Variants in EYS observed in about 807,000 individuals in gnomAD.
The protein encoded by EYS is EGF-like photoreceptor maintenance factor.
EYS carries 250 observed loss-of-function variants against 282.1 expected under a neutral mutation model. The ratio of observed to expected loss-of-function variants is 0.89; its 90% CI spans 0.80 to 0.98. The LOEUF (loss-of-function observed/expected upper bound fraction) is 0.98, where lower values mean the gene tolerates loss of function less well. Among genes scored for constraint, EYS ranks in the 50% least tolerant of loss-of-function variants. The pLI, the probability that EYS is intolerant of heterozygous loss-of-function variation, is 0.00. For missense variants in EYS, 4,016 were observed against 3,709.0 expected, an observed-to-expected ratio of 1.08 and a Z score of -2.15; for synonymous variants, 1,355 against 1,282.9, an observed-to-expected ratio of 1.06 and a Z score of -1.20.
At chr6:64,145,239 C>A (rs1188672502) in intron 31 of EYS, among the ~76,000 whole-genome samples, 1 of 152,168 alleles carries the variant, frequency 6.6e-6, no homozygotes, top group Non-Finnish European at 1.5e-5. Flanking sequence ...GCTGTATCAT[C>A]AGTCTTAAAC....
chr6:64,491,872 T>C (rs1776751762), intron 26 of EYS, among the ~76,000 whole-genome samples: 1 of 151,206 alleles, frequency 6.6e-6, no homozygotes, highest in Non-Finnish European at 1.5e-5. Context: ...TAAACATTAA[T>C]AATCATTAAG....
At chr6:65,438,309 A>G (rs1438569634) in intron 5 of EYS, among the ~76,000 whole-genome samples, 1 of 152,086 alleles carries the variant, frequency 6.6e-6, no homozygotes, top group Non-Finnish European at 1.5e-5. Context: ...TAGTGCTGCA[A>G]TAAACATACG....
chr6:63,838,437 T>G (rs1771865342), intron 36 of EYS, among the ~76,000 whole-genome samples: 1 of 152,196 alleles, frequency 6.6e-6, no homozygotes, highest in Non-Finnish European at 1.5e-5. Flanking sequence ...TCCCCTTTGA[T>G]CTGGGCTTCC....
intron 22 of EYS, among the ~76,000 whole-genome samples, chr6:64,686,238 T>C (rs1362870286): frequency 6.6e-6 from 1 of 151,774 alleles, no homozygotes; most frequent in Non-Finnish European, 1.5e-5. Context: ...AATAAAAAGA[T>C]AAATTTCAAT....
At chr6:65,691,816 CA>C (rs1316313468) in intron 1 of EYS, among the ~76,000 whole-genome samples, 2 of 150,246 alleles carry the variant, frequency 1.3e-5, no homozygotes, top group Non-Finnish European at 3.0e-5. Flanking sequence ...CCAATTTTCC[CA>C]ACACCATTTA....
intron 22 of EYS, among the ~76,000 whole-genome samples, chr6:64,688,890 A>G (rs1174412519): frequency 2.6e-5 from 4 of 152,020 alleles, no homozygotes; most frequent in African/African-American, 9.7e-5. Flanking sequence ...AACTGGAAGC[A>G]TTCCCTTTGA....
intron 8 of EYS, among the ~76,000 whole-genome samples, chr6:65,375,954 C>A (rs1482830267): frequency 6.6e-6 from 1 of 152,012 alleles, no homozygotes; most frequent in Admixed American, 6.6e-5. Flanking sequence ...GAAAACACTT[C>A]AGGATATTAT....
intron 12 of EYS, among the ~76,000 whole-genome samples, chr6:65,227,337 A>G (rs1017022701): frequency 1.3e-5 from 2 of 152,250 alleles, no homozygotes; most frequent in Admixed American, 6.5e-5. Flanking sequence ...TTAATTGGGT[A>G]TGAGTTTTCT....
intron 5 of EYS, among the ~76,000 whole-genome samples, chr6:65,415,389 AAT>A (rs1443398492): frequency 4.6e-5 from 7 of 152,184 alleles, no homozygotes; most frequent in African/African-American, 1.7e-4. Context: ...CATTGATCCA[AAT>A]ATCTCTTCTG....
intron 30 of EYS, among the ~76,000 whole-genome samples, chr6:64,287,420 A>T (rs1257589919): frequency 5.3e-5 from 8 of 152,174 alleles, no homozygotes; most frequent in African/African-American, 1.9e-4. Flanking sequence ...ATGAGTACAA[A>T]ATATACATAT....
At position 64,187,452 on chromosome 6, in the gene EYS, G is replaced by A. The variant is rs115109342; in HGVS notation, c.6424+43140C>T. Among the ~76,000 whole-genome samples, 844 of 151,746 alleles carry A rather than the reference G, an allele frequency of 5.6e-3. 6 individuals carry two copies. The highest frequency in any genetic ancestry group is 0.022 in the South Asian group (106 of 4,814). On this transcript the variant is annotated intron_variant, in intron 31 of 42. Coordinates refer to ENST00000503581, the MANE Select transcript of EYS (RefSeq NM_001142800.2). ...GAGATTTAACGTATTTCTTTGTGTTGGAAAACATTTGAAATACAAACTTCA... is the reference window on the plus strand; with the variant it reads ...GAGATTTAACGTATTTCTTTGTGTTAGAAAACATTTGAAATACAAACTTCA...
At chr6:65,477,803 A>G (rs921704592) in intron 5 of EYS, among the ~76,000 whole-genome samples, 2 of 152,148 alleles carry the variant, frequency 1.3e-5, no homozygotes, top group African/African-American at 4.8e-5. Context: ...ATATTTTTCA[A>G]TCTTTTTTCT....
chr6:65,397,583 GGTGTGT>G (rs58522364), intron 7 of EYS, among the ~76,000 whole-genome samples: 10,436 of 138,142 alleles, frequency 0.076, 445 homozygotes, highest in Admixed American at 0.12. Flanking sequence ...TGTATTTCAT[GGTGTGT>G]GTGTGTGTGT....
At chr6:64,201,053 A>G (rs559173731) in intron 31 of EYS, among the ~76,000 whole-genome samples, 1 of 152,288 alleles carries the variant, frequency 6.6e-6, no homozygotes, top group East Asian at 1.9e-4. Context: ...AATGTGATTC[A>G]GCTTTTAATC....
At chr6:65,457,165 T>G (rs375439214) in intron 5 of EYS, among the ~76,000 whole-genome samples, 1 of 145,572 alleles carries the variant, frequency 6.9e-6, no homozygotes, top group African/African-American at 2.5e-5. Flanking sequence ...TGTTGTTGTG[T>G]TTTATTTATT....
chr6:64,708,265 G>A (rs1771098423), intron 22 of EYS, among the ~76,000 whole-genome samples: 1 of 152,184 alleles, frequency 6.6e-6, no homozygotes, highest in Admixed American at 6.5e-5. Flanking sequence ...GCATTTAGCA[G>A]TACTGCGTAT....
rs1335484839 is a variant in EYS at position 63,720,106 on chromosome 6, G to C, written c.*490C>G. On this transcript the variant is annotated 3_prime_UTR_variant, in exon 43 of 43. Transcript: ENST00000503581. ...TTACATTGTTGAATCATATAAATAA[G>C]TTGTAGCTAAGCCATGTAATACAAT... 1.3e-5 allele frequency: 2 copies of C among 157,084 alleles called. No homozygotes were observed. The highest frequency in any genetic ancestry group is 2.8e-5 in the Non-Finnish European group (2 of 71,526). The allele number at this position is 157,084 out of a possible 1,614,324, so 9.7% of individuals were successfully genotyped here. A position where few individuals can be genotyped will look rare whatever the true frequency, so the allele number is the denominator to read the frequency against.
chr6:64,681,759 T>C (rs1032166471), intron 22 of EYS, among the ~76,000 whole-genome samples: 3 of 152,170 alleles, frequency 2.0e-5, no homozygotes, highest in Non-Finnish European at 4.4e-5. Flanking sequence ...GATCACCGGC[T>C]CAGTCAGACT....
chr6:65,240,877 C>A (rs1767041677), intron 12 of EYS, among the ~76,000 whole-genome samples: 1 of 152,118 alleles, frequency 6.6e-6, no homozygotes, highest in African/African-American at 2.4e-5. Context: ...TCCATAGTGG[C>A]TGAATAAAGT....
Sources: allele counts gnomAD v4.1 joint callset (sites outside exome capture counted in the v4.1 genomes callset), GRCh38; gene constraint gnomAD v4.1.1; transcripts MANE v1.5; gene names NCBI Gene and HGNC (gene_info 2026-07-23, HGNC 2026-07-21).